ADGRV1: variants seen among roughly 807,000 people sequenced by gnomAD.
ADGRV1 encodes adhesion G protein-coupled receptor V1.
A neutral mutation model predicts 596.2 loss-of-function variants in ADGRV1; 359 were observed. The ratio of observed to expected loss-of-function variants is 0.60; its 90% CI spans 0.55 to 0.66. The LOEUF is 0.66. Among genes scored for constraint, ADGRV1 ranks in the 30% least tolerant of loss-of-function variants. The pLI is 0.00. For synonymous variants in ADGRV1, 2,681 were observed against 2,679.2 expected (o/e 1.00, Z -0.02); for missense variants, 7,274 against 7,575.6 (o/e 0.96, Z 1.48).
At chr5:91,052,408 T>C (rs550891909) in intron 85 of ADGRV1, among the ~76,000 whole-genome samples, 47 of 151,802 alleles carry the variant, frequency 3.1e-4, no homozygotes, top group African/African-American at 1.0e-3. Flanking sequence ...TTGATAGCAC[T>C]GAAAAAAATG....
In ADGRV1 at chr5:91,101,571, CA is replaced by C. The variant is rs555754079; in HGVS notation, c.18311-646del. On this transcript the variant is annotated intron_variant, in intron 86 of 89. Coordinates refer to ENST00000405460, the MANE Select transcript of ADGRV1 (RefSeq NM_032119.4). ...GATAGCAAAGAAAACTCAAAATAGA[CA>C]AGTGGAAAGGGTAATAAAGTCCCTT... 3.6e-3 allele frequency among the ~76,000 whole-genome samples: 554 copies of C among 152,252 alleles called. 2 individuals carry two copies. The highest frequency in any genetic ancestry group is 3.6e-3 in the Non-Finnish European group (244 of 68,016).
intron 85 of ADGRV1, among the ~76,000 whole-genome samples, chr5:91,050,602 G>A (rs1208199287): frequency 1.3e-5 from 2 of 152,094 alleles, no homozygotes; most frequent in African/African-American, 2.4e-5. Context: ...AACAAGGTTA[G>A]ACTAAAAAGA....
chr5:90,738,803 T>C lies in ADGRV1; in HGVS notation c.10550-6243T>C, dbSNP rs112619547. 1.2e-4 allele frequency among the ~76,000 whole-genome samples: 19 copies of C among 152,318 alleles called. 1 individual carries two copies. Among genetic ancestry groups the C allele is most frequent in the African/African-American group, 4.6e-4 (19 of 41,580 alleles). The stretch of plus-strand genomic sequence containing the variant: ...ATTGAGTTGAATTTGACTGGAGAAC[T>C]TTGAGCTTCCAATTTCTAGATAGTG... On this transcript the variant is annotated intron_variant, in intron 50 of 89. Coordinates refer to ENST00000405460, the MANE Select transcript of ADGRV1 (RefSeq NM_032119.4).
chr5:90,863,014 T>G (rs1277040702), intron 82 of ADGRV1, among the ~76,000 whole-genome samples: 2 of 152,232 alleles, frequency 1.3e-5, no homozygotes, highest in East Asian at 3.8e-4. Flanking sequence ...TATACATATG[T>G]CAATTGCTGT....
At chr5:90,979,514 C>T (rs1488985705) in intron 84 of ADGRV1, among the ~76,000 whole-genome samples, 1 of 152,034 alleles carries the variant, frequency 6.6e-6, no homozygotes, top group Non-Finnish European at 1.5e-5. Context: ...ATATAATCAG[C>T]CTTTACAAGG....
At chr5:90,685,716 C>T in intron 28 of ADGRV1, 64 bp from the exon 29 acceptor site, 3 of 1,239,370 alleles carry the variant, frequency 2.4e-6, no homozygotes, top group Non-Finnish European at 3.4e-6. Context: ...TTCTTGATGA[C>T]TTTTGGCCAG....
intron 87 of ADGRV1, among the ~76,000 whole-genome samples, chr5:91,130,785 C>T (rs1794150267): frequency 6.6e-6 from 1 of 152,180 alleles, no homozygotes; most frequent in African/African-American, 2.4e-5. Context: ...CTTCATCCTT[C>T]CCCCTTTTGG....
In ADGRV1 at chr5:90,728,358, T is replaced by C. The variant is rs1014970509; in HGVS notation, c.10162-311T>C. 2.6e-5 allele frequency among the ~76,000 whole-genome samples: 4 copies of C among 152,218 alleles called. No homozygotes were observed. The East Asian group carries it at 7.7e-4, about 29-fold the overall frequency. On this transcript the variant is annotated intron_variant, in intron 48 of 89. Coordinates refer to ENST00000405460, the MANE Select transcript of ADGRV1 (RefSeq NM_032119.4). ...TGTATTTCCTGGTTTTAGCTTTCCC[T>C]TTCCCTGCTGTCAACAACCCTTACC... is the stretch of plus-strand genomic sequence containing the variant.
chr5:90,816,378 A>T lies in ADGRV1; in HGVS notation c.16196+642A>T, dbSNP rs566174248. ...TTTTTTTAATTTTCTGTTTTTTTTT[A>T]AATTTTATTATTATTATAATTTAAG... On this transcript the variant is annotated intron_variant, in intron 75 of 89. Transcript: ENST00000405460. Among the ~76,000 whole-genome samples, 356 of 149,144 alleles carry T rather than the reference A, an allele frequency of 2.4e-3. 2 individuals are homozygous for T. Among genetic ancestry groups the T allele is most frequent in the African/African-American group, 7.9e-3 (319 of 40,390 alleles).
intron 83 of ADGRV1, among the ~76,000 whole-genome samples, chr5:90,952,837 T>G (rs1229540873): frequency 6.6e-6 from 1 of 152,180 alleles, no homozygotes; most frequent in Admixed American, 6.6e-5. Context: ...TATTTCCTAT[T>G]TGCTACTGGA....
rs1580976402 is a variant in ADGRV1, at chr5:90,745,154, C to T, written c.10658C>T (p.Ser3553Phe). The stretch of plus-strand genomic sequence containing the variant: ...GTACCTTCTGCTTATGATGTGGCTT[C>T]TGTTACAGTAAAGTCCCTTAATTCA... ...LEVPSAYDVASVTVKSLNSSK... is the reference protein window; with the variant it reads ...LEVPSAYDVAFVTVKSLNSSK... Residue 3553 changes from serine (S) to phenylalanine (F), a missense_variant, in exon 51 of 90, where the codon TCT becomes TTT. Ser to Phe is a radical substitution (Grantham distance 155). Coordinates refer to ENST00000405460, the MANE Select transcript of ADGRV1 (RefSeq NM_032119.4). The T allele has an allele frequency of 1.9e-6, 3 of 1,613,392 alleles. No homozygotes were observed. Among genetic ancestry groups the T allele is most frequent in the African/African-American group, 1.3e-5 (1 of 74,912 alleles).
At chr5:91,013,256 G>A (rs1419356087) in intron 85 of ADGRV1, among the ~76,000 whole-genome samples, 1 of 151,552 alleles carries the variant, frequency 6.6e-6, no homozygotes, top group African/African-American at 2.4e-5. Context: ...TTGAATGATA[G>A]ATCTGCTTTT....
At chr5:91,129,073 A>G (rs1793996513) in intron 87 of ADGRV1, among the ~76,000 whole-genome samples, 1 of 152,240 alleles carries the variant, frequency 6.6e-6, no homozygotes, top group African/African-American at 2.4e-5. Flanking sequence ...TTTAAGATCA[A>G]AATGATTTAG....
intron 75 of ADGRV1, among the ~76,000 whole-genome samples, chr5:90,817,248 T>A (rs1762991550): frequency 6.6e-6 from 1 of 150,548 alleles, no homozygotes; most frequent in Non-Finnish European, 1.5e-5. Flanking sequence ...CACCCACTTT[T>A]TGATGGGGTT....
At chr5:90,629,062 A>G in intron 8 of ADGRV1, 148 bp from the exon 9 acceptor site, 3 of 645,432 alleles carry the variant, frequency 4.6e-6, no homozygotes, top group Non-Finnish European at 7.2e-6. Flanking sequence ...TTTTTGGTTC[A>G]TCTTTTGCTC....
chr5:90,973,416 C>T (rs1323146331), intron 84 of ADGRV1, among the ~76,000 whole-genome samples: 4 of 152,282 alleles, frequency 2.6e-5, no homozygotes, highest in Admixed American at 2.6e-4. Flanking sequence ...CAATTTTAGA[C>T]CAATATCCCT....
chr5:90,783,224 T>C lies in ADGRV1; in HGVS notation c.13332T>C (p.Ser4444=), dbSNP rs554207688. The change falls in exon 66 of 90, where the codon AGT becomes AGC. Residue 4444 remains serine, a synonymous_variant. Transcript: ENST00000405460. Reference sequence around the variant, plus strand: ...TCATCTCTCAGAGCTCCTCTGCCAGTCCCGGAGGTGTTGATTACATTTTGC... The same window carrying C: ...TCATCTCTCAGAGCTCCTCTGCCAGCCCCGGAGGTGTTGATTACATTTTGC... ...ADFISQSSSA[S]PGGVDYILHG... is the part of the protein sequence containing the mutation. 3 of 1,613,644 alleles carry C rather than the reference T, an allele frequency of 1.9e-6. No homozygotes were observed. In the Admixed American group the frequency reaches 5.0e-5, roughly 27 times the overall value.
intron 87 of ADGRV1, among the ~76,000 whole-genome samples, chr5:91,140,354 T>C (rs1395638911): frequency 6.6e-6 from 1 of 152,196 alleles, no homozygotes; most frequent in Non-Finnish European, 1.5e-5. Context: ...ATGAGAAAGA[T>C]ATCTGAATGC....
intron 77 of ADGRV1, among the ~76,000 whole-genome samples, chr5:90,829,724 A>G (rs751652881): frequency 2.1e-4 from 32 of 152,132 alleles, no homozygotes; most frequent in Non-Finnish European, 3.8e-4. Context: ...CATAACACTA[A>G]GTCACCAGAC....
Sources: gnomAD v4.1 joint callset for allele counts (sites outside exome capture counted in the v4.1 genomes callset) on GRCh38, gnomAD v4.1.1 for gene constraint, MANE v1.5 for transcripts, NCBI Gene and HGNC (gene_info 2026-07-23, HGNC 2026-07-21) for gene names.